Variants in DRICH1 observed in about 807,000 individuals in gnomAD.
DRICH1 encodes the protein aspartate-rich protein 1.
In DRICH1, 38 loss-of-function variants were observed where a neutral mutation model predicts 39.5. That is an observed-to-expected ratio of 0.96 (90% CI 0.74 to 1.26). DRICH1 has a LOEUF of 1.26. DRICH1 is among the 50% of genes most tolerant of loss of function. The pLI is 0.00. For missense variants in DRICH1, 279 were observed against 270.4 expected (o/e 1.03, Z -0.22); for synonymous variants, 84 against 99.5 (o/e 0.84, Z 0.93).
chr22:23,599,307 G>A, the DRICH1 span, among the ~76,000 whole-genome samples: 11 of 152,152 alleles, frequency 7.2e-5, no homozygotes, highest in South Asian at 2.1e-4. Flanking sequence ...CTGGTCTACC[G>A]TCCAACCCAG....
intron 9 of DRICH1, 113 bp from the exon 10 acceptor site, chr22:23,613,773 G>A: frequency 1.3e-6 from 1 of 771,184 alleles, no homozygotes; most frequent in Non-Finnish European, 2.1e-6. Context: ...TAGTGATTGA[G>A]CCATAGGTCA....
At chr22:23,609,516 G>A (rs962602050) in intron 11 of DRICH1, among the ~76,000 whole-genome samples, 2 of 152,142 alleles carry the variant, frequency 1.3e-5, no homozygotes, top group South Asian at 2.1e-4. Context: ...AGGAGAAGCT[G>A]CTCCCTCACT....
At chr22:23,629,329 G>A (rs1207715015) in intron 1 of DRICH1, among the ~76,000 whole-genome samples, 2 of 152,088 alleles carry the variant, frequency 1.3e-5, no homozygotes. Flanking sequence ...ATGAGCCACC[G>A]CACCCTGCCC....
the DRICH1 span, among the ~76,000 whole-genome samples, chr22:23,593,201 A>C: frequency 8.5e-5 from 13 of 152,194 alleles, no homozygotes; most frequent in African/African-American, 3.1e-4. Flanking sequence ...GAATATCAAT[A>C]TAGAGATATA....
chr22:23,604,513 G>A (rs767451194), downstream of DRICH1, among the ~76,000 whole-genome samples: 4 of 152,152 alleles, frequency 2.6e-5, no homozygotes, highest in Non-Finnish European at 4.4e-5. Context: ...AAAGCCTGAC[G>A]CTGATGGGGA....
At chr22:23,609,760 C>T (rs1027892594) in intron 11 of DRICH1, among the ~76,000 whole-genome samples, 8 of 152,176 alleles carry the variant, frequency 5.3e-5, no homozygotes, top group Non-Finnish European at 8.8e-5. Flanking sequence ...TCCCTGTTTG[C>T]ATCAGGGGCT....
the DRICH1 span, among the ~76,000 whole-genome samples, chr22:23,585,521 GT>G: frequency 6.6e-6 from 1 of 151,768 alleles, no homozygotes; most frequent in Non-Finnish European, 1.5e-5. Context: ...GGTTTTGTGG[GT>G]TTTCTTTTCT....
intron 3 of DRICH1, among the ~76,000 whole-genome samples, chr22:23,623,366 C>T (rs1927881658): frequency 6.6e-6 from 1 of 151,460 alleles, no homozygotes; most frequent in African/African-American, 2.5e-5. Context: ...GATCACATCA[C>T]TGCACCCCAG....
rs1272398777 is a variant in DRICH1, at chr22:23,632,121, T to G, written c.-98A>C. ...CACTACTGAGGGTGGCCCTGCACTT[T>G]TAGAAGCAGCCTGACCCCAGGCAGA... On this transcript the variant is annotated 5_prime_UTR_variant, in exon 1 of 12. Coordinates refer to ENST00000317749, the MANE Select transcript of DRICH1 (RefSeq NM_016449.4). 4 of 1,544,118 alleles carry G rather than the reference T, an allele frequency of 2.6e-6. No individual in the cohort carries two copies. Among genetic ancestry groups the G allele is most frequent in the Admixed American group, 2.0e-5 (1 of 50,884 alleles).
intron 1 of DRICH1, among the ~76,000 whole-genome samples, chr22:23,629,743 A>G (rs1928280941): frequency 6.6e-6 from 1 of 151,966 alleles, no homozygotes; most frequent in Admixed American, 6.6e-5. Context: ...TCAGCCACCC[A>G]AGTACCTAGG....
At position 23,616,874 on chromosome 22, in the gene DRICH1, T is replaced by C; in HGVS notation, c.520A>G (p.Ile174Val). 6.2e-7 allele frequency: 1 copy of C among 1,614,030 alleles called. No individual in the cohort carries two copies. The highest frequency in any genetic ancestry group is 8.5e-7 in the Non-Finnish European group (1 of 1,179,904). ...ATACCCTGGACAGGTGACGGTAAAATCTGCAATGAGATAAAAGAAGATGCT... is the reference window on the plus strand; with the variant it reads ...ATACCCTGGACAGGTGACGGTAAAACCTGCAATGAGATAAAAGAAGATGCT... ...DCDDDDDDAQ[I>V]LPSPVQACSE... Residue 174 changes from isoleucine to valine, a missense_variant and splice_region_variant, in exon 8 of 12, where the codon ATT becomes GTT. Coordinates refer to ENST00000317749, the MANE Select transcript of DRICH1 (RefSeq NM_016449.4).
the DRICH1 span, among the ~76,000 whole-genome samples, chr22:23,585,781 A>C: frequency 1.3e-5 from 2 of 152,156 alleles, no homozygotes; most frequent in African/African-American, 4.8e-5. Flanking sequence ...TGGCCTCCTA[A>C]AGTTCTGGGA....
intron 3 of DRICH1, chr22:23,624,404 G>A (rs1927937631): frequency 1.1e-6 from 1 of 910,886 alleles, no homozygotes; most frequent in Non-Finnish European, 1.3e-6. Context: ...CTCACCTGAT[G>A]ACATTAAACT....
chr22:23,597,546 T>C, the DRICH1 span, among the ~76,000 whole-genome samples: 2 of 148,620 alleles, frequency 1.3e-5, no homozygotes, highest in Admixed American at 6.7e-5. Context: ...AGTACATAAA[T>C]ACACAGATAA....
the DRICH1 span, among the ~76,000 whole-genome samples, chr22:23,598,808 T>C: frequency 6.6e-6 from 1 of 152,172 alleles, no homozygotes; most frequent in African/African-American, 2.4e-5. Context: ...ACAGGCGCCC[T>C]CCATACAAGT....
the DRICH1 span, chr22:23,581,137 G>T: frequency 6.6e-6 from 1 of 152,196 alleles, no homozygotes; most frequent in Non-Finnish European, 1.5e-5. Context: ...CAATTTTCCA[G>T]TATACAATAC....
downstream of DRICH1, chr22:23,606,926 G>A (rs181994965): frequency 6.6e-6 from 1 of 152,648 alleles, no homozygotes; most frequent in African/African-American, 2.4e-5. Context: ...GAACTTACAA[G>A]TTCTCCTGTC....
the DRICH1 span, among the ~76,000 whole-genome samples, chr22:23,595,218 T>C: frequency 1.4e-4 from 20 of 145,572 alleles, no homozygotes; most frequent in South Asian, 4.7e-3. Flanking sequence ...TTTTCCAGCT[T>C]CCCTAGAGGC....
At chr22:23,614,882 C>A (rs1450770731) in intron 8 of DRICH1, among the ~76,000 whole-genome samples, 1 of 152,184 alleles carries the variant, frequency 6.6e-6, no homozygotes. Flanking sequence ...ACAGGCCAAG[C>A]CCACAGAGCC....
Sources: gnomAD v4.1 joint callset for allele counts (sites outside exome capture counted in the v4.1 genomes callset) on GRCh38, gnomAD v4.1.1 for gene constraint, MANE v1.5 for transcripts, NCBI Gene and HGNC (gene_info 2026-07-23, HGNC 2026-07-21) for gene names.